EDA2R: variants seen among roughly 807,000 people sequenced by gnomAD.
EDA2R encodes tumor necrosis factor receptor superfamily member 27.
In EDA2R, 26 loss-of-function variants were observed where a neutral mutation model predicts 20.1. The observed-to-expected ratio is 1.30, with a 90% CI of 0.95 to 1.80. EDA2R has a LOEUF of 1.80. Ranked by LOEUF, EDA2R falls within the 40% of genes most tolerant of loss-of-function variation. The probability of loss-of-function intolerance (pLI) is 0.00; values close to 1 mark genes in which losing one functional copy is unlikely to be tolerated. For missense variants in EDA2R, 277 were observed against 228.7 expected (o/e 1.21, Z -1.36); for synonymous variants, 114 against 88.7 (o/e 1.29, Z -1.60).
rs1927464844 is a variant in EDA2R at position 66,596,463 on chromosome X, G to A, written c.*1641C>T. On this transcript the variant is annotated 3_prime_UTR_variant, in exon 7 of 7. Coordinates refer to ENST00000374719, the MANE Select transcript of EDA2R (RefSeq NM_021783.5). ...GGGTATGGCTTGGGCTGTCCACATAGCATTCATGCCATGAGCAAGCACACT... is the reference window on the plus strand; with the variant it reads ...GGGTATGGCTTGGGCTGTCCACATAACATTCATGCCATGAGCAAGCACACT... The A allele has an allele frequency of 9.0e-6, 1 of 111,407 alleles. No homozygotes were observed. Among genetic ancestry groups the A allele is most frequent in the Admixed American group, 9.5e-5 (1 of 10,490 alleles). The allele number at this position is 111,407 out of a possible 1,213,427, so 9.2% of individuals were successfully genotyped here. A position where few individuals can be genotyped will look rare whatever the true frequency, so the allele number is the denominator to read the frequency against.
intron 1 of EDA2R, among the ~76,000 whole-genome samples, chrX:66,636,416 G>A (rs987596636): frequency 1.8e-5 from 2 of 110,360 alleles, no homozygotes; most frequent in Non-Finnish European, 3.8e-5. Flanking sequence ...AGATGCAGGG[G>A]GATCTGATCT....
chrX:66,616,470 C>G (rs1001838520), intron 1 of EDA2R, among the ~76,000 whole-genome samples: 2 of 90,798 alleles, frequency 2.2e-5, no homozygotes, highest in African/African-American at 8.1e-5. Context: ...AGTACTTTCA[C>G]ATCTATTATT....
intron 1 of EDA2R, among the ~76,000 whole-genome samples, chrX:66,630,005 G>T: frequency 9.0e-6 from 1 of 111,467 alleles, no homozygotes; most frequent in Non-Finnish European, 1.9e-5. Context: ...ATAGACCAAT[G>T]GAACGAAATC....
At chrX:66,602,528 C>G (rs1928804377) in intron 5 of EDA2R, 105 bp downstream of exon 5, 2 of 909,045 alleles carry the variant, frequency 2.2e-6, no homozygotes, top group Non-Finnish European at 3.0e-6. Context: ...GGTTTTCAAG[C>G]ATGGTAGAAA....
chrX:66,603,188 T>C (rs761106392), intron 4 of EDA2R, among the ~76,000 whole-genome samples: 1 of 111,515 alleles, frequency 9.0e-6, no homozygotes, highest in African/African-American at 3.3e-5. Flanking sequence ...TGGATCAATA[T>C]AAATAATCTA....
intron 1 of EDA2R, among the ~76,000 whole-genome samples, chrX:66,636,791 T>G (rs1221324119): frequency 9.0e-6 from 1 of 111,286 alleles, no homozygotes; most frequent in East Asian, 2.8e-4. Context: ...GTGAGTACTG[T>G]TATCCCTCTT....
chrX:66,606,721 C>T (rs182184090), intron 2 of EDA2R, among the ~76,000 whole-genome samples: 2 of 112,277 alleles, frequency 1.8e-5, no homozygotes, highest in Admixed American at 9.4e-5. Context: ...CAGTGGCAGT[C>T]CTAAAGTAGT....
intron 3 of EDA2R, among the ~76,000 whole-genome samples, 195 bp from the exon 4 acceptor site, chrX:66,604,701 C>T (rs1929332107): frequency 9.0e-6 from 1 of 111,638 alleles, no homozygotes; most frequent in African/African-American, 3.3e-5. Flanking sequence ...CCATTCATGA[C>T]ACCATGTAGC....
intron 2 of EDA2R, among the ~76,000 whole-genome samples, chrX:66,610,989 AT>A (rs1216348830): frequency 9.0e-6 from 1 of 111,318 alleles, no homozygotes; most frequent in Non-Finnish European, 1.9e-5. Context: ...TATCCTACTA[AT>A]AACAAGTGGT....
intron 1 of EDA2R, among the ~76,000 whole-genome samples, chrX:66,631,721 A>G (rs1933832995): frequency 8.9e-6 from 1 of 111,941 alleles, no homozygotes; most frequent in Non-Finnish European, 1.9e-5. Flanking sequence ...TACAAACCTT[A>G]CAAAGTGAAG....
At chrX:66,636,178 G>A (rs1473065274) in intron 1 of EDA2R, among the ~76,000 whole-genome samples, 2 of 111,625 alleles carry the variant, frequency 1.8e-5, no homozygotes, top group African/African-American at 3.3e-5. Flanking sequence ...TGGGATTACA[G>A]GAATGAGCCA....
At chrX:66,607,273 C>T (rs1929850267) in intron 2 of EDA2R, among the ~76,000 whole-genome samples, 1 of 112,115 alleles carries the variant, frequency 8.9e-6, no homozygotes, top group Non-Finnish European at 1.9e-5. Context: ...TTGTTGTTGT[C>T]ATTTTTTAAC....
At chrX:66,620,986 A>C (rs7877041) in intron 1 of EDA2R, among the ~76,000 whole-genome samples, 11 of 105,657 alleles carry the variant, frequency 1.0e-4, no homozygotes, top group African/African-American at 4.0e-4. Context: ...AAAAAAAAAA[A>C]AAATAGCCGG....
intron 1 of EDA2R, among the ~76,000 whole-genome samples, chrX:66,631,917 A>G (rs748780505): frequency 8.9e-6 from 1 of 112,353 alleles, no homozygotes; most frequent in South Asian, 3.7e-4. Flanking sequence ...GGTCATGCCC[A>G]ACAAGCATAT....
At chrX:66,636,939 A>AACACACAC (rs35284589) in intron 1 of EDA2R, among the ~76,000 whole-genome samples, 3 of 99,854 alleles carry the variant, frequency 3.0e-5, no homozygotes, top group South Asian at 5.2e-4. Context: ...CTGTGTGTAA[A>AACACACAC]ACACACACAC....
chrX:66,631,585 T>G (rs1933819774), intron 1 of EDA2R, among the ~76,000 whole-genome samples: 1 of 111,687 alleles, frequency 9.0e-6, no homozygotes, highest in African/African-American at 3.3e-5. Flanking sequence ...CAAAAAAGCA[T>G]TTTATTAATG....
intron 1 of EDA2R, among the ~76,000 whole-genome samples, chrX:66,621,231 C>T (rs1259921403): frequency 4.5e-5 from 5 of 111,637 alleles, no homozygotes; most frequent in East Asian, 2.8e-4. Context: ...GAGCCGAGAT[C>T]GTGCCATTGC....
intron 1 of EDA2R, among the ~76,000 whole-genome samples, chrX:66,618,372 C>G (rs973267382): frequency 8.9e-6 from 1 of 112,202 alleles, no homozygotes; most frequent in Admixed American, 9.4e-5. Flanking sequence ...GGGAGAAAGT[C>G]AGACCTTATA....
intron 1 of EDA2R, among the ~76,000 whole-genome samples, chrX:66,624,887 G>A (rs1294390575): frequency 8.9e-6 from 1 of 112,161 alleles, no homozygotes; most frequent in African/African-American, 3.2e-5. Context: ...CCACACTGGG[G>A]AAACACTTAA....
Sources: allele counts gnomAD v4.1 joint callset (sites outside exome capture counted in the v4.1 genomes callset), GRCh38; gene constraint gnomAD v4.1.1; transcripts MANE v1.5; gene names NCBI Gene and HGNC (gene_info 2026-07-23, HGNC 2026-07-21).